Variants in GRM7 observed in about 807,000 individuals in gnomAD.
GRM7 encodes metabotropic glutamate receptor 7.
Under a neutral mutation model 84.5 loss-of-function variants are expected in GRM7, and 35 were observed. The ratio of observed to expected loss-of-function variants is 0.41; its 90% CI spans 0.32 to 0.55. GRM7 has a LOEUF of 0.55. Ranked by LOEUF, GRM7 falls within the 20% of genes least tolerant of loss-of-function variation. The pLI is 0.19. For missense variants in GRM7, 1,003 were observed against 1,194.6 expected (o/e 0.84, Z 2.36); for synonymous variants, 487 against 455.1 (o/e 1.07, Z -0.89).
intron 4 of GRM7, among the ~76,000 whole-genome samples, chr3:7,384,438 T>C (rs1694707306): frequency 6.6e-6 from 1 of 152,214 alleles, no homozygotes; most frequent in South Asian, 2.1e-4. Context: ...TTTGTGCCAA[T>C]GCTGTCCAAT....
intron 7 of GRM7, among the ~76,000 whole-genome samples, chr3:7,560,612 T>C (rs1374785590): frequency 6.6e-6 from 1 of 152,068 alleles, no homozygotes; most frequent in Non-Finnish European, 1.5e-5. Flanking sequence ...TGTAACAAGG[T>C]TCACACTAGA....
At chr3:7,099,589 T>C (rs1699020227) in intron 1 of GRM7, among the ~76,000 whole-genome samples, 1 of 141,292 alleles carries the variant, frequency 7.1e-6, no homozygotes, top group Non-Finnish European at 1.5e-5. Context: ...CATATATGTA[T>C]ATGTACACGC....
chr3:7,593,645 A>G (rs1434852020), intron 8 of GRM7, among the ~76,000 whole-genome samples: 1 of 152,134 alleles, frequency 6.6e-6, no homozygotes, highest in Non-Finnish European at 1.5e-5. Flanking sequence ...AGGTGCTCAG[A>G]GGAGAGTGTG....
chr3:7,405,863 G>A (rs750670734), intron 4 of GRM7, among the ~76,000 whole-genome samples: 11 of 151,636 alleles, frequency 7.3e-5, no homozygotes, highest in Non-Finnish European at 1.5e-4. Flanking sequence ...ATCAACAGTA[G>A]GTTATCACAT....
At chr3:7,585,093 A>G (rs1695457969) in intron 8 of GRM7, among the ~76,000 whole-genome samples, 1 of 152,220 alleles carries the variant, frequency 6.6e-6, no homozygotes, top group African/African-American at 2.4e-5. Context: ...GCTTTGGAAC[A>G]CAGGAGAGAG....
At chr3:7,412,704 T>A (rs1695994180) in intron 4 of GRM7, among the ~76,000 whole-genome samples, 1 of 152,216 alleles carries the variant, frequency 6.6e-6, no homozygotes, top group Non-Finnish European at 1.5e-5. Flanking sequence ...ATGGGGCATT[T>A]GCTTCAGAAG....
At position 7,547,194 on chromosome 3, in the gene GRM7, C is replaced by CT. The variant is rs55678792; in HGVS notation, c.1516-31198dup. Reference sequence around the variant, plus strand: ...CAGCACAGCCCCCAGAGAGTGAATTCTTTTTTTTTTTTTTTTTTTTTTTTT... The same window carrying CT: ...CAGCACAGCCCCCAGAGAGTGAATTCTTTTTTTTTTTTTTTTTTTTTTTTTT... On this transcript the variant is annotated intron_variant, in intron 7 of 9. Coordinates refer to ENST00000357716, the MANE Select transcript of GRM7 (RefSeq NM_000844.4). Among the ~76,000 whole-genome samples, 193 of 76,388 alleles carry CT rather than the reference C, an allele frequency of 2.5e-3. 7 individuals are homozygous for CT. The highest frequency in any genetic ancestry group is 5.2e-3 in the African/African-American group (91 of 17,414). The allele number at this position is 76,388 out of a possible 152,430, so 50.1% of individuals were successfully genotyped here. A position where few individuals can be genotyped will look rare whatever the true frequency, so the allele number is the denominator to read the frequency against.
chr3:7,274,160 A>G (rs1197315466), intron 2 of GRM7, among the ~76,000 whole-genome samples: 1 of 152,026 alleles, frequency 6.6e-6, no homozygotes, highest in Non-Finnish European at 1.5e-5. Flanking sequence ...ACCTCATAGT[A>G]TCAAAATAAT....
chr3:6,879,146 CGTAA>C lies in GRM7; in HGVS notation c.519+17242_519+17245del, dbSNP rs1695419346. Among the ~76,000 whole-genome samples the C allele has an allele frequency of 3.3e-5, 5 of 152,032 alleles. No homozygotes were observed. In the South Asian group the frequency reaches 1.0e-3, roughly 32 times the overall value. ...CTCATTTAATATTTTCAATAAGATACGTAAGTCCTACTTAATGTCCCCAATTTAC... is the reference window on the plus strand; with the variant it reads ...CTCATTTAATATTTTCAATAAGATACGTCCTACTTAATGTCCCCAATTTAC... On this transcript the variant is annotated intron_variant, in intron 1 of 9. Transcript: ENST00000357716.
At chr3:7,514,269 G>T (rs1428447754) in intron 7 of GRM7, among the ~76,000 whole-genome samples, 1 of 152,226 alleles carries the variant, frequency 6.6e-6, no homozygotes, top group East Asian at 1.9e-4. Flanking sequence ...AAAAGAAAAA[G>T]TTGGAGATAG....
At chr3:7,581,634 A>G (rs1465143362) in intron 8 of GRM7, among the ~76,000 whole-genome samples, 2 of 152,222 alleles carry the variant, frequency 1.3e-5, no homozygotes, top group Non-Finnish European at 2.9e-5. Flanking sequence ...AGCAACCTAC[A>G]GAATCACAAG....
At chr3:7,313,611 A>AT (rs535026089) in intron 4 of GRM7, among the ~76,000 whole-genome samples, 37 of 152,232 alleles carry the variant, frequency 2.4e-4, no homozygotes, top group African/African-American at 7.2e-4. Context: ...CAAAATGATG[A>AT]TTTTTTTAAA....
chr3:7,216,802 AT>A lies in GRM7; in HGVS notation c.736+70136del, dbSNP rs1696628901. Among the ~76,000 whole-genome samples the A allele has an allele frequency of 2.0e-5, 3 of 152,120 alleles. No individual in the cohort carries two copies. In the South Asian group the frequency reaches 6.2e-4, roughly 32 times the overall value. On this transcript the variant is annotated intron_variant, in intron 2 of 9. Coordinates refer to ENST00000357716, the MANE Select transcript of GRM7 (RefSeq NM_000844.4). ...TGCTCTCCCTGTTGATGTTGCTTTC[AT>A]TAGAAACATAGTGAACCAAATGATT...
At chr3:7,405,904 A>G (rs1695655148) in intron 4 of GRM7, among the ~76,000 whole-genome samples, 2 of 151,976 alleles carry the variant, frequency 1.3e-5, no homozygotes, top group African/African-American at 2.4e-5. Flanking sequence ...TGTTATTACT[A>G]TTGACACTGA....
At chr3:7,311,783 C>G (rs1700406563) in intron 4 of GRM7, among the ~76,000 whole-genome samples, 1 of 151,932 alleles carries the variant, frequency 6.6e-6, no homozygotes, top group Non-Finnish European at 1.5e-5. Context: ...TTAGTAGAGA[C>G]AGGGTTTCAC....
intron 4 of GRM7, among the ~76,000 whole-genome samples, chr3:7,322,962 A>G (rs1190005511): frequency 6.6e-6 from 1 of 152,104 alleles, no homozygotes. Context: ...AGTCGAACTC[A>G]GGGATTCTGG....
At chr3:7,094,813 T>C (rs1322739024) in intron 1 of GRM7, among the ~76,000 whole-genome samples, 1 of 152,166 alleles carries the variant, frequency 6.6e-6, no homozygotes, top group Non-Finnish European at 1.5e-5. Context: ...TTAATGCATG[T>C]AAATCACTTA....
intron 7 of GRM7, among the ~76,000 whole-genome samples, chr3:7,563,954 A>T (rs1461937136): frequency 6.6e-6 from 1 of 152,188 alleles, no homozygotes; most frequent in South Asian, 2.1e-4. Context: ...GGAGATGGAC[A>T]CAGAAGTCAA....
intron 2 of GRM7, among the ~76,000 whole-genome samples, chr3:7,240,144 T>TTTTTTTTTTA (rs1553635876): frequency 6.8e-6 from 1 of 146,614 alleles, no homozygotes; most frequent in African/African-American, 2.5e-5. Flanking sequence ...TTTTTTTTTT[T>TTTTTTTTTTA]CCAGTGGCTT....
Sources: gnomAD v4.1 joint callset for allele counts (sites outside exome capture counted in the v4.1 genomes callset) on GRCh38, gnomAD v4.1.1 for gene constraint, MANE v1.5 for transcripts, NCBI Gene and HGNC (gene_info 2026-07-23, HGNC 2026-07-21) for gene names.